Variants in ZNG1F observed in about 807,000 individuals in gnomAD.
The protein encoded by ZNG1F is Zn regulated GTPase metalloprotein activator 1F, also known as zinc-regulated GTPase metalloprotein activator 1F.
chr9:41,158,850 C>A, the ZNG1F span: 2 of 97,542 alleles, frequency 2.1e-5, no homozygotes, highest in Non-Finnish European at 2.2e-5. Context: ...AGATCTTTTC[C>A]AAAGCATTAA....
At chr9:41,169,411 A>T in the ZNG1F span, among the ~76,000 whole-genome samples, 2 of 149,732 alleles carry the variant, frequency 1.3e-5, no homozygotes, top group Admixed American at 6.7e-5. Flanking sequence ...AATATTTTTT[A>T]AATATTTTAT....
the ZNG1F span, among the ~76,000 whole-genome samples, chr9:41,148,327 GT>G: frequency 3.6e-5 from 1 of 27,654 alleles, no homozygotes; most frequent in Non-Finnish European, 8.7e-5. Flanking sequence ...ACAAGAAGTA[GT>G]CATTTTTACC....
chr9:41,150,391 G>C, the ZNG1F span, among the ~76,000 whole-genome samples: 2 of 145,684 alleles, frequency 1.4e-5, no homozygotes, highest in South Asian at 2.2e-4. Context: ...CAGCGAGGCT[G>C]GGGGAGGGGC....
the ZNG1F span, among the ~76,000 whole-genome samples, chr9:41,149,677 AG>A: frequency 6.6e-6 from 1 of 150,776 alleles, no homozygotes; most frequent in African/African-American, 2.4e-5. Context: ...CTATGAAGAC[AG>A]GGAAATGGGA....
chr9:41,183,719 CA>C, the ZNG1F span: 12 of 1,602,204 alleles, frequency 7.5e-6, no homozygotes, highest in Non-Finnish European at 9.4e-6. Flanking sequence ...CATTAGCCAA[CA>C]AAAAACAAAG....
At chr9:41,169,234 A>T in the ZNG1F span, among the ~76,000 whole-genome samples, 1 of 151,302 alleles carries the variant, frequency 6.6e-6, no homozygotes, top group African/African-American at 2.4e-5. Flanking sequence ...CAAACTCTGC[A>T]AAAAGTATAA....
chr9:41,169,788 G>A, the ZNG1F span, among the ~76,000 whole-genome samples: 1 of 148,510 alleles, frequency 6.7e-6, no homozygotes, highest in South Asian at 2.1e-4. Flanking sequence ...GTTTGATAAT[G>A]TAATTCACAC....
chr9:41,173,322 G>C, the ZNG1F span, among the ~76,000 whole-genome samples: 1 of 152,264 alleles, frequency 6.6e-6, no homozygotes. Flanking sequence ...ACAAAAGAAT[G>C]AGTTTAATTA....
chr9:41,145,555 T>C, the ZNG1F span: 2 of 522,016 alleles, frequency 3.8e-6, no homozygotes, highest in Admixed American at 3.9e-5. Context: ...TATATATACA[T>C]ATGCACAGAA....
At chr9:41,187,423 CACCTTTGAAGTA>C in the ZNG1F span, among the ~76,000 whole-genome samples, 1 of 130,862 alleles carries the variant, frequency 7.6e-6, no homozygotes, top group Non-Finnish European at 1.6e-5. Flanking sequence ...AAACACTTGG[CACCTTTGAAGTA>C]ACCTTAGTTT....
chr9:41,164,857 C>T, the ZNG1F span: 4 of 542,782 alleles, frequency 7.4e-6, 1 homozygote, highest in Admixed American at 1.4e-4. Flanking sequence ...TAACAATTAG[C>T]CATCAACAAT....
the ZNG1F span, among the ~76,000 whole-genome samples, chr9:41,152,462 G>C: frequency 7.0e-6 from 1 of 143,420 alleles, no homozygotes; most frequent in East Asian, 2.1e-4. Flanking sequence ...AAGTCAACAA[G>C]GATACCCAGG....
the ZNG1F span, among the ~76,000 whole-genome samples, chr9:41,200,127 C>T: frequency 1.3e-5 from 1 of 75,332 alleles, no homozygotes; most frequent in Non-Finnish European, 2.6e-5. Context: ...TTGAATTTCT[C>T]CTTAGAAAAT....
chr9:41,135,023 T>C, the ZNG1F span, among the ~76,000 whole-genome samples: 711 of 115,378 alleles, frequency 6.2e-3, 13 homozygotes, highest in African/African-American at 0.021. Flanking sequence ...TCCCCAAAGT[T>C]TATTGTGTCA....
chr9:41,137,371 GA>G, the ZNG1F span, among the ~76,000 whole-genome samples: 6 of 145,332 alleles, frequency 4.1e-5, no homozygotes. Context: ...AAAATTTATT[GA>G]GGCTCATTTT....
At chr9:41,178,918 T>G in the ZNG1F span, among the ~76,000 whole-genome samples, 3 of 133,892 alleles carry the variant, frequency 2.2e-5, 1 homozygote, top group East Asian at 6.6e-4. Context: ...AGATGCCATT[T>G]AGGACTTTCA....
the ZNG1F span, chr9:41,183,751 G>C: frequency 6.3e-7 from 1 of 1,585,504 alleles, no homozygotes. Flanking sequence ...CTCAATAATG[G>C]AGATCTTAAA....
At chr9:41,173,883 T>C in the ZNG1F span, among the ~76,000 whole-genome samples, 1 of 148,842 alleles carries the variant, frequency 6.7e-6, no homozygotes, top group Admixed American at 6.8e-5. Context: ...ATTAAAGTTA[T>C]AATATGAATG....
the ZNG1F span, among the ~76,000 whole-genome samples, chr9:41,154,770 A>G: frequency 6.7e-6 from 1 of 150,344 alleles, no homozygotes; most frequent in Non-Finnish European, 1.5e-5. Context: ...TCCCTATTTA[A>G]TAAATGGTGC....
Sources: gnomAD v4.1 joint callset for allele counts (sites outside exome capture counted in the v4.1 genomes callset) on GRCh38, gnomAD v4.1.1 for gene constraint, MANE v1.5 for transcripts, NCBI Gene and HGNC (gene_info 2026-07-23, HGNC 2026-07-21) for gene names.